The following NKAIN4 variants were observed in gnomAD, a reference collection of about 807,000 sequenced individuals.
NKAIN4 encodes the protein sodium/potassium-transporting ATPase subunit beta-1-interacting protein 4.
In NKAIN4, 28 loss-of-function variants were observed where a neutral mutation model predicts 28.8. The observed-to-expected ratio is 0.97, with a 90% CI of 0.72 to 1.33. NKAIN4 has a LOEUF of 1.33. Among genes scored for constraint, NKAIN4 ranks in the 40% most tolerant of loss-of-function variants. NKAIN4 has a pLI of 0.00. For missense variants in NKAIN4, 289 were observed against 277.2 expected (o/e 1.04, Z -0.30); for synonymous variants, 122 against 115.6 (o/e 1.06, Z -0.36).
At chr20:63,254,670 A>T, upstream of NKAIN4, 2 of 349,358 alleles carry the variant, frequency 5.7e-6, no homozygotes, top group Non-Finnish European at 1.0e-5. Context: ...CGCCGGCCGG[A>T]GAGGGGGACC....
intron 1 of NKAIN4, among the ~76,000 whole-genome samples, chr20:63,251,450 C>T (rs1422377247): frequency 6.6e-6 from 1 of 152,166 alleles, no homozygotes; most frequent in African/African-American, 2.4e-5. Context: ...CTTTCCCAGT[C>T]CGCTAAGTAG....
chr20:63,254,303 G>A (rs1240113478), intron 1 of NKAIN4, 94 bp downstream of exon 1: 2 of 1,031,950 alleles, frequency 1.9e-6, no homozygotes, highest in South Asian at 2.1e-5. Context: ...CCCAGCGAAC[G>A]GGCCCCGGGG....
At chr20:63,241,754 TG>T (rs1392268660) in intron 6 of NKAIN4, 7 of 672,474 alleles carry the variant, frequency 1.0e-5, no homozygotes, top group Non-Finnish European at 2.0e-5. Context: ...CCTGTGGGGC[TG>T]GGAGTGGAGA....
chr20:63,241,619 C>A, intron 6 of NKAIN4, 113 bp from the exon 7 acceptor site: 3 of 923,650 alleles, frequency 3.2e-6, no homozygotes, highest in African/African-American at 1.6e-5. Flanking sequence ...AAGCAGTGGA[C>A]GGCTTCAGGC....
At chr20:63,244,551 T>G (rs538410302) in intron 4 of NKAIN4, 1 of 471,538 alleles carries the variant, frequency 2.1e-6, no homozygotes, top group East Asian at 6.9e-5. Flanking sequence ...ATTCTGGTTT[T>G]GAGCCCGGCA....
chr20:63,248,930 ACAGCTCCCGGGCACACCTGCTTGCAT>A, intron 2 of NKAIN4, 35 bp from the exon 3 acceptor site: 8 of 1,452,354 alleles, frequency 5.5e-6, no homozygotes, highest in Non-Finnish European at 7.7e-6. Flanking sequence ...GCAGCTGAAC[ACAGCTCCCGGGCACACCTGCTTGCAT>A]CCAGCCCCCG....
chr20:63,248,965 C>T lies in NKAIN4; in HGVS notation c.193-70G>A, dbSNP rs117569246. The T allele has an allele frequency of 8.6e-4, 902 of 1,054,358 alleles. 8 individuals carry two copies. The East Asian group carries it at 0.018, about 21-fold the overall frequency. 65.3% of individuals were successfully genotyped at this position (1,054,358 alleles called of 1,614,324 possible). A position where few individuals can be genotyped will look rare whatever the true frequency, so the allele number is the denominator to read the frequency against. On this transcript the variant is annotated intron_variant, in intron 2 of 6. Coordinates refer to ENST00000370316, the MANE Select transcript of NKAIN4 (RefSeq NM_152864.4). ...GGCACACCTGCTTGCATCCAGCCCC[C>T]GGGGGAAGGGGTCCCATGATCGCAT... is the stretch of plus-strand genomic sequence containing the variant.
At chr20:63,254,174 C>A (rs994624846) in intron 1 of NKAIN4, 44 of 435,050 alleles carry the variant, frequency 1.0e-4, no homozygotes, top group Non-Finnish European at 1.7e-4. Context: ...GGCCGCCCCC[C>A]GCGCACGCAC....
intron 3 of NKAIN4, 50 bp downstream of exon 3, chr20:63,248,765 G>T: frequency 2.4e-6 from 3 of 1,276,196 alleles, no homozygotes; most frequent in Non-Finnish European, 2.3e-6. Context: ...CCAGGGGCCC[G>T]GCCCAGACCC....
chr20:63,241,588 AC>A, intron 6 of NKAIN4, 82 bp from the exon 7 acceptor site: 1 of 1,278,540 alleles, frequency 7.8e-7, no homozygotes, highest in Non-Finnish European at 1.1e-6. Flanking sequence ...CCCTTGGAGA[AC>A]CTGAAATGGA....
At chr20:63,244,386 G>C in intron 4 of NKAIN4, 1 of 518,766 alleles carries the variant, frequency 1.9e-6, no homozygotes, top group South Asian at 1.6e-5. Flanking sequence ...TGGCTGCAGG[G>C]AGCGGGGTGA....
upstream of NKAIN4, chr20:63,254,704 G>T: frequency 3.2e-6 from 1 of 309,018 alleles, no homozygotes; most frequent in Non-Finnish European, 5.9e-6. Context: ...CGATGGCGCG[G>T]CCTCTCGGGT....
intron 2 of NKAIN4, among the ~76,000 whole-genome samples, chr20:63,249,444 T>C (rs1276087190): frequency 6.6e-6 from 1 of 152,236 alleles, no homozygotes; most frequent in African/African-American, 2.4e-5. Flanking sequence ...TGCAAACTAC[T>C]GGTCTGGACC....
At position 63,245,153 on chromosome 20, in the gene NKAIN4, A is replaced by G. The variant is rs1166834347; in HGVS notation, c.472-1069T>C. Among the ~76,000 whole-genome samples, 2 of 152,006 alleles carry G rather than the reference A, an allele frequency of 1.3e-5. No individual in the cohort carries two copies. Among genetic ancestry groups the G allele is most frequent in the Non-Finnish European group, 2.9e-5 (2 of 67,986 alleles). On this transcript the variant is annotated intron_variant, in intron 4 of 6. Transcript: ENST00000370316. This position sits in a 1 kb window ranked among gnomAD's most constrained non-coding sequence, Gnocchi z 4.7. ...TTGGTGGTTGCTTTCCTGGAAATCC[A>G]GCTCCTTTCTAGGGGTCAGTCAGGG...
intron 2 of NKAIN4, 38 bp downstream of exon 2, chr20:63,249,896 AC>A (rs1431306431): frequency 6.3e-7 from 1 of 1,585,004 alleles, no homozygotes; most frequent in East Asian, 2.2e-5. Context: ...GGTCACCTCA[AC>A]CCACCTGCCC....
Position 63,249,483 on chromosome 20 carries a change from T to C in NKAIN4, c.192+452A>G, listed in dbSNP as rs112824540. ...GATTTGGTTCTGCACTGAATGAAAA[T>C]GCTGACTGAGCAGAGAGACATTTTT... is the stretch of plus-strand genomic sequence containing the variant. On this transcript the variant is annotated intron_variant, in intron 2 of 6. Transcript: ENST00000370316. Among the ~76,000 whole-genome samples the C allele has an allele frequency of 5.0e-4, 76 of 152,280 alleles. No individual in the cohort carries two copies. The South Asian group carries it at 0.013, about 26-fold the overall frequency.
chr20:63,250,180 C>A, intron 1 of NKAIN4, 108 bp from the exon 2 acceptor site: 1 of 1,263,536 alleles, frequency 7.9e-7, no homozygotes, highest in Non-Finnish European at 1.1e-6. Flanking sequence ...TTCCTCCCCA[C>A]ACCCGCCCAC....
intron 1 of NKAIN4, 96 bp from the exon 2 acceptor site, chr20:63,250,168 A>T: frequency 7.2e-7 from 1 of 1,398,112 alleles, no homozygotes; most frequent in Non-Finnish European, 9.5e-7. Flanking sequence ...CTCAGCAGGG[A>T]CTTCCTCCCC....
In NKAIN4 at chr20:63,249,934, C is replaced by T. The variant is rs537657393; in HGVS notation, c.192+1G>A. 1 of 1,612,352 alleles carries T rather than the reference C, an allele frequency of 6.2e-7. No individual in the cohort carries two copies. The highest frequency in any genetic ancestry group is 1.7e-5 in the Admixed American group (1 of 59,858). ...TAAAGAGGGCCGGGCCCAGGACTCACCACCATGACATAGCGCAGCCGGTAC... is the reference window on the plus strand; with the variant it reads ...TAAAGAGGGCCGGGCCCAGGACTCATCACCATGACATAGCGCAGCCGGTAC... On this transcript the variant is annotated splice_donor_variant, in intron 2 of 6. Transcript: ENST00000370316. LOFTEE classifies it high-confidence loss of function.
Sources: allele counts gnomAD v4.1 joint callset (sites outside exome capture counted in the v4.1 genomes callset), GRCh38; gene constraint gnomAD v4.1.1; non-coding constraint Gnocchi (gnomAD v3.1); transcripts MANE v1.5; gene names NCBI Gene and HGNC (gene_info 2026-07-23, HGNC 2026-07-21).